Variants in RAPGEF4 observed in about 807,000 individuals in gnomAD.
RAPGEF4 encodes the protein RAP guanine-nucleotide-exchange factor (GEF) 4.
A neutral mutation model predicts 147.9 loss-of-function variants in RAPGEF4; 66 were observed. The ratio of observed to expected loss-of-function variants is 0.45; its 90% confidence interval spans 0.37 to 0.55. The LOEUF is 0.55. RAPGEF4 is among the 20% of genes least tolerant of loss of function. The pLI is 0.00. For missense variants in RAPGEF4, 1,071 were observed against 1,257.3 expected (o/e 0.85, Z 2.24); for synonymous variants, 419 against 442.7 (o/e 0.95, Z 0.67).
intron 6 of RAPGEF4, among the ~76,000 whole-genome samples, chr2:172,957,373 C>A (rs141183181): frequency 6.6e-6 from 1 of 152,266 alleles, no homozygotes; most frequent in Non-Finnish European, 1.5e-5. Context: ...CCAAGGGAAA[C>A]CAAAAAGGAA....
Position 172,926,873 on chromosome 2 carries a change from G to A in RAPGEF4, c.537+4573G>A, listed in dbSNP as rs112754716. Reference sequence around the variant, plus strand: ...GTGTGAGCTACCGCGCCCAGCCCGAGGTCCTCATTTTTTAGGCAGTTATAG... The same window carrying A: ...GTGTGAGCTACCGCGCCCAGCCCGAAGTCCTCATTTTTTAGGCAGTTATAG... On this transcript the variant is annotated intron_variant, in intron 6 of 30. Transcript: ENST00000397081. Among the ~76,000 whole-genome samples the A allele has an allele frequency of 5.9e-5, 9 of 152,216 alleles. 1 individual carries two copies. Among genetic ancestry groups the A allele is most frequent in the African/African-American group, 2.2e-4 (9 of 41,542 alleles).
intron 1 of RAPGEF4, among the ~76,000 whole-genome samples, chr2:172,739,895 C>T (rs1694157564): frequency 6.6e-6 from 1 of 152,160 alleles, no homozygotes; most frequent in Admixed American, 6.5e-5. Context: ...TGACAGCTTG[C>T]CCGTATGTCT....
intron 2 of RAPGEF4, 96 bp downstream of exon 2, chr2:172,795,263 G>A: frequency 7.7e-7 from 1 of 1,292,542 alleles, no homozygotes; most frequent in Non-Finnish European, 1.1e-6. Context: ...GTATTTATGT[G>A]CTAAATATTT....
At chr2:172,795,284 C>A in intron 2 of RAPGEF4, 117 bp downstream of exon 2, 2 of 1,062,484 alleles carry the variant, frequency 1.9e-6, no homozygotes, top group Non-Finnish European at 2.7e-6. Context: ...GAGCTTCAAC[C>A]AAAAGTATTA....
chr2:172,784,002 C>T (rs992472034), intron 1 of RAPGEF4, among the ~76,000 whole-genome samples: 4 of 152,172 alleles, frequency 2.6e-5, no homozygotes, highest in Non-Finnish European at 5.9e-5. Context: ...TTAGAAATTT[C>T]ATCTGTACGT....
chr2:172,865,910 A>G (rs932648883), intron 4 of RAPGEF4, among the ~76,000 whole-genome samples: 5 of 152,016 alleles, frequency 3.3e-5, no homozygotes, highest in Admixed American at 6.5e-5. Flanking sequence ...CATTTGTACA[A>G]ATCCATTTCT....
At chr2:173,000,846 T>C (rs1277800481) in intron 16 of RAPGEF4, among the ~76,000 whole-genome samples, 1 of 151,720 alleles carries the variant, frequency 6.6e-6, no homozygotes, top group Non-Finnish European at 1.5e-5. Flanking sequence ...CTACCTTTCA[T>C]TGCTTCTTTT....
chr2:172,891,558 C>A (rs56312615), intron 4 of RAPGEF4, among the ~76,000 whole-genome samples: 8,122 of 152,214 alleles, frequency 0.053, 282 homozygotes, highest in South Asian at 0.08. Context: ...GTGACTGATT[C>A]TAAGAAACAA....
intron 25 of RAPGEF4, among the ~76,000 whole-genome samples, chr2:173,029,962 A>C (rs905937052): frequency 3.3e-5 from 5 of 152,262 alleles, no homozygotes; most frequent in African/African-American, 1.2e-4. Flanking sequence ...AACGTCTTCA[A>C]CTTTCTAAAA....
intron 1 of RAPGEF4, among the ~76,000 whole-genome samples, chr2:172,771,058 T>C (rs1683518649): frequency 6.6e-6 from 1 of 152,130 alleles, no homozygotes; most frequent in Non-Finnish European, 1.5e-5. Context: ...CATAGGCTGG[T>C]CATTTATAAA....
At chr2:172,778,101 C>T (rs1245270523) in intron 1 of RAPGEF4, among the ~76,000 whole-genome samples, 2 of 152,108 alleles carry the variant, frequency 1.3e-5, no homozygotes, top group Non-Finnish European at 1.5e-5. Context: ...GTAAAGACAC[C>T]TGTAGGACTT....
rs1221061191 is a variant in RAPGEF4 at position 172,745,662 on chromosome 2, T to A, written c.65+9614T>A. 2.0e-5 allele frequency among the ~76,000 whole-genome samples: 3 copies of A among 152,216 alleles called. 1 individual carries two copies. Among genetic ancestry groups the A allele is most frequent in the Admixed American group, 1.3e-4 (2 of 15,284 alleles). On this transcript the variant is annotated intron_variant, in intron 1 of 30. Transcript: ENST00000397081. ...CTTAGTTGGTTAATTTTAACCTTTC[T>A]TCTTTACTAATATAAGCATTTCAGC...
chr2:172,743,769 TG>T (rs1230399420), intron 1 of RAPGEF4, among the ~76,000 whole-genome samples: 2 of 152,298 alleles, frequency 1.3e-5, no homozygotes, highest in East Asian at 3.9e-4. Context: ...CTCTTCTTTC[TG>T]CCTGGAGTTA....
At position 172,983,585 on chromosome 2, in the gene RAPGEF4, G is replaced by T. The variant is rs1172388360; in HGVS notation, c.1089+5G>T. ...TTATCCCATCTTTCTACCACAGTAA[G>T]TTGTCTCTTAGTTTAGCATGGTTGG... On this transcript the variant is annotated splice_donor_5th_base_variant and intron_variant, in intron 11 of 30. Coordinates refer to ENST00000397081, the MANE Select transcript of RAPGEF4 (RefSeq NM_007023.4). 6.2e-7 allele frequency: 1 copy of T among 1,613,154 alleles called. No homozygotes were observed. Among genetic ancestry groups the T allele is most frequent in the Non-Finnish European group, 8.5e-7 (1 of 1,179,792 alleles).
At chr2:172,823,545 G>A (rs574346810) in intron 4 of RAPGEF4, among the ~76,000 whole-genome samples, 1 of 152,314 alleles carries the variant, frequency 6.6e-6, no homozygotes, top group Non-Finnish European at 1.5e-5. Flanking sequence ...ATACTGTTAA[G>A]CGCTTTATGT....
At position 173,033,038 on chromosome 2, in the gene RAPGEF4, G is replaced by T. The variant is rs539039776; in HGVS notation, c.2650-876G>T. Among the ~76,000 whole-genome samples, 95 of 152,318 alleles carry T rather than the reference G, an allele frequency of 6.2e-4. 1 individual carries two copies. Among genetic ancestry groups the T allele is most frequent in the African/African-American group, 2.2e-3 (91 of 41,578 alleles). On this transcript the variant is annotated intron_variant, in intron 26 of 30. Coordinates refer to ENST00000397081, the MANE Select transcript of RAPGEF4 (RefSeq NM_007023.4). The stretch of plus-strand genomic sequence containing the variant: ...GCTTTACTGAAGACTCAGGAACTAA[G>T]CAAAGTAGGAACCAATAAATTGAAA...
At chr2:173,011,161 C>CGT (rs1694968629) in intron 17 of RAPGEF4, among the ~76,000 whole-genome samples, 2 of 77,208 alleles carry the variant, frequency 2.6e-5, no homozygotes, top group Admixed American at 1.2e-4. Flanking sequence ...GGAACTTCAG[C>CGT]GCGCGCGCGC....
chr2:173,042,992 A>G lies in RAPGEF4; in HGVS notation c.2854-5608A>G, dbSNP rs1684955153. ...TCCTCCTCAATGATGCACACAGTGA[A>G]GGCTAGTTCAGCTTCAATTCCCTTT... On this transcript the variant is annotated intron_variant, in intron 29 of 30. Coordinates refer to ENST00000397081, the MANE Select transcript of RAPGEF4 (RefSeq NM_007023.4). The surrounding 1 kb of genome is among the most constrained non-coding windows in gnomAD (Gnocchi z 4.2). Among the ~76,000 whole-genome samples, 1 of 152,210 alleles carries G rather than the reference A, an allele frequency of 6.6e-6. No individual in the cohort carries two copies. The highest frequency in any genetic ancestry group is 2.4e-5 in the African/African-American group (1 of 41,452).
chr2:172,991,055 T>C (rs1575460791), intron 15 of RAPGEF4, 130 bp downstream of exon 15: 2 of 674,628 alleles, frequency 3.0e-6, no homozygotes, highest in Non-Finnish European at 5.2e-6. Context: ...TTCCTCTCTA[T>C]TGACTAATCA....
Sources: gnomAD v4.1 joint callset for allele counts (sites outside exome capture counted in the v4.1 genomes callset) on GRCh38, gnomAD v4.1.1 for gene constraint, Gnocchi (gnomAD v3.1) non-coding constraint, MANE v1.5 for transcripts, NCBI Gene and HGNC (gene_info 2026-07-23, HGNC 2026-07-21) for gene names.